Variants in RNF144A observed in about 807,000 individuals in gnomAD.
The protein encoded by RNF144A is ring finger protein 144A.
Under a neutral mutation model 38.7 loss-of-function variants are expected in RNF144A, and 11 were observed. That is an observed-to-expected ratio of 0.28 (90% confidence interval 0.18 to 0.47). The LOEUF (loss-of-function observed/expected upper bound fraction) is 0.47, where lower values mean the gene tolerates loss of function less well. Among genes scored for constraint, RNF144A ranks in the 20% least tolerant of loss-of-function variants. The pLI, the probability that RNF144A is intolerant of heterozygous loss-of-function variation, is 0.99. For missense variants in RNF144A, 316 were observed against 377.2 expected, an observed-to-expected ratio of 0.84 and a Z score of 1.34; for synonymous variants, 149 against 143.9, an observed-to-expected ratio of 1.04 and a Z score of -0.25.
intron 7 of RNF144A, among the ~76,000 whole-genome samples, chr2:7,026,026 A>G (rs569242048): frequency 1.8e-4 from 27 of 152,328 alleles, no homozygotes; most frequent in African/African-American, 5.5e-4. Context: ...TTGGCACACA[A>G]TGGCTGAGAT....
intron 2 of RNF144A, among the ~76,000 whole-genome samples, chr2:6,952,754 A>G (rs913235525): frequency 2.0e-5 from 3 of 151,978 alleles, no homozygotes; most frequent in African/African-American, 7.2e-5. Context: ...GAGTCTTACT[A>G]TGGTATGCAG....
chr2:6,938,851 C>A (rs970733441), intron 1 of RNF144A, among the ~76,000 whole-genome samples: 1 of 152,140 alleles, frequency 6.6e-6, no homozygotes, highest in Admixed American at 6.5e-5. Context: ...TTGTGTCTGG[C>A]TTCTCTCTCT....
intron 2 of RNF144A, among the ~76,000 whole-genome samples, chr2:6,956,766 G>A (rs906274504): frequency 1.3e-5 from 2 of 152,152 alleles, no homozygotes; most frequent in Admixed American, 6.5e-5. Flanking sequence ...GTGGTTTATA[G>A]TCCACTCCCT....
chr2:6,964,479 C>T (rs1667528913), intron 2 of RNF144A, among the ~76,000 whole-genome samples: 1 of 152,130 alleles, frequency 6.6e-6, no homozygotes, highest in Non-Finnish European at 1.5e-5. Context: ...GGTATATACC[C>T]AAAGGGCTAT....
intron 6 of RNF144A, among the ~76,000 whole-genome samples, chr2:7,064,092 C>A (rs1370954933): frequency 6.6e-6 from 1 of 152,112 alleles, no homozygotes; most frequent in Admixed American, 6.5e-5. Context: ...TGATAACTAA[C>A]CTGCTTCCAC....
intron 6 of RNF144A, among the ~76,000 whole-genome samples, chr2:7,061,701 TTACA>T (rs1255004346): frequency 6.6e-6 from 1 of 152,206 alleles, no homozygotes; most frequent in African/African-American, 2.4e-5. Context: ...GAACTACATC[TTACA>T]TTTACTTTGG....
chr2:6,988,489 A>G (rs1669098565), intron 2 of RNF144A, among the ~76,000 whole-genome samples: 1 of 152,152 alleles, frequency 6.6e-6, no homozygotes, highest in Non-Finnish European at 1.5e-5. Flanking sequence ...ATATTCTTGA[A>G]TTGGGATTTA....
chr2:6,993,336 C>G (rs1669516296), intron 2 of RNF144A, among the ~76,000 whole-genome samples: 1 of 152,006 alleles, frequency 6.6e-6, no homozygotes, highest in Non-Finnish European at 1.5e-5. Flanking sequence ...GTGCCCAGGG[C>G]AGGGGAAGCC....
intron 2 of RNF144A, among the ~76,000 whole-genome samples, chr2:6,991,471 T>C (rs914202749): frequency 2.6e-5 from 4 of 152,188 alleles, no homozygotes; most frequent in African/African-American, 9.7e-5. Flanking sequence ...GAAGTTGGTT[T>C]GTCTTATATC....
chr2:7,048,545 A>G (rs909295114), downstream of RNF144A, among the ~76,000 whole-genome samples: 4 of 152,218 alleles, frequency 2.6e-5, no homozygotes, highest in African/African-American at 4.8e-5. Context: ...ACCCAAAGCC[A>G]CGTGAAGGTC....
chr2:6,991,364 G>A (rs1229568637), intron 2 of RNF144A, among the ~76,000 whole-genome samples: 1 of 152,190 alleles, frequency 6.6e-6, no homozygotes, highest in African/African-American at 2.4e-5. Flanking sequence ...AATCTCTGCT[G>A]CTGCTGACAG....
At chr2:7,007,441 C>T (rs139111684) in intron 3 of RNF144A, among the ~76,000 whole-genome samples, 37 of 152,326 alleles carry the variant, frequency 2.4e-4, no homozygotes, top group Middle Eastern at 3.4e-3. Flanking sequence ...CTCTCAAGCG[C>T]GTCTGTGCAT....
intron 2 of RNF144A, among the ~76,000 whole-genome samples, chr2:6,949,373 TCCCTC>T (rs538397709): frequency 6.6e-6 from 1 of 150,434 alleles, no homozygotes; most frequent in African/African-American, 2.4e-5. Flanking sequence ...ATTTCACAGT[TCCCTC>T]CCCTCCCCTC....
At chr2:7,016,101 C>G (rs1054189961) in intron 5 of RNF144A, among the ~76,000 whole-genome samples, 9 of 107,530 alleles carry the variant, frequency 8.4e-5, no homozygotes, top group African/African-American at 2.3e-4. Flanking sequence ...GAGACCCCGT[C>G]TCTAAAAAAA....
rs746656391 is a variant in RNF144A at position 7,066,309 on chromosome 2, G to A, written c.735-1907G>A. ...TCACCGTGTTAGCCAGGATGGTCTT[G>A]ATCTCCTGACCTCGTGATCTGCCCA... On this transcript the variant is annotated intron_variant, in intron 6 of 6. Coordinates refer to the RNF144A transcript ENST00000432850. 3.9e-5 allele frequency among the ~76,000 whole-genome samples: 6 copies of A among 152,040 alleles called. No individual in the cohort carries two copies. In the South Asian group the frequency reaches 1.0e-3, roughly 26 times the overall value.
chr2:7,037,075 G>A (rs1672728901), intron 8 of RNF144A, among the ~76,000 whole-genome samples: 1 of 152,158 alleles, frequency 6.6e-6, no homozygotes, highest in Non-Finnish European at 1.5e-5. Flanking sequence ...GCCTGAAACT[G>A]TTTACCCATC....
intron 2 of RNF144A, among the ~76,000 whole-genome samples, chr2:6,951,133 T>C (rs1050788726): frequency 4.6e-5 from 7 of 152,344 alleles, no homozygotes; most frequent in African/African-American, 1.4e-4. Context: ...GTATTTAGAA[T>C]TAACTTTTGT....
intron 6 of RNF144A, among the ~76,000 whole-genome samples, chr2:7,053,210 A>G (rs1397453685): frequency 6.6e-6 from 1 of 152,250 alleles, no homozygotes; most frequent in Non-Finnish European, 1.5e-5. Flanking sequence ...AAGCATGAGC[A>G]TTGCCTGAGA....
intron 5 of RNF144A, among the ~76,000 whole-genome samples, chr2:7,016,370 C>T (rs1240498092): frequency 6.6e-6 from 1 of 152,154 alleles, no homozygotes; most frequent in Non-Finnish European, 1.5e-5. Flanking sequence ...AGAATCTTGA[C>T]AGAAACTGGC....
Sources: allele counts gnomAD v4.1 joint callset (sites outside exome capture counted in the v4.1 genomes callset), GRCh38; gene constraint gnomAD v4.1.1; transcripts MANE v1.5; gene names NCBI Gene and HGNC (gene_info 2026-07-23, HGNC 2026-07-21).